DENND2C: variants seen among roughly 807,000 people sequenced by gnomAD.
The protein encoded by DENND2C is DENN domain-containing protein 2C.
In DENND2C, 72 loss-of-function variants were observed where a neutral mutation model predicts 112.4. The observed-to-expected ratio is 0.64, with a 90% CI of 0.53 to 0.78. DENND2C has a LOEUF of 0.78. DENND2C is among the 30% of genes least tolerant of loss of function. The pLI, the probability that DENND2C is intolerant of heterozygous loss-of-function variation, is 0.00. For synonymous variants in DENND2C, 329 were observed against 381.6 expected (o/e 0.86, Z 1.61); for missense variants, 992 against 1,113.8 (o/e 0.89, Z 1.56).
chr1:114,614,460 G>A (rs903408359), intron 8 of DENND2C, among the ~76,000 whole-genome samples: 2 of 152,136 alleles, frequency 1.3e-5, no homozygotes, highest in African/African-American at 4.8e-5. Context: ...TGGTCACAGA[G>A]GTAGGTAAAG....
intron 3 of DENND2C, among the ~76,000 whole-genome samples, chr1:114,631,509 C>T (rs540394893): frequency 2.8e-4 from 42 of 152,092 alleles, no homozygotes; most frequent in Non-Finnish European, 4.1e-4. Flanking sequence ...CCGGGCCAGG[C>T]GTGGTGGCTC....
chr1:114,652,828 C>T (rs1012180801), intron 2 of DENND2C, among the ~76,000 whole-genome samples: 2 of 151,716 alleles, frequency 1.3e-5, no homozygotes, highest in Non-Finnish European at 2.9e-5. Flanking sequence ...ACTACAGGCC[C>T]CATGCCTGGC....
At chr1:114,603,272 T>G (rs1004558996) in intron 11 of DENND2C, among the ~76,000 whole-genome samples, 4 of 147,382 alleles carry the variant, frequency 2.7e-5, no homozygotes, top group African/African-American at 1.0e-4. Context: ...TCCCGAGTAG[T>G]GGGACTACAG....
At chr1:114,597,385 A>G (rs1174111591) in intron 16 of DENND2C, among the ~76,000 whole-genome samples, 2 of 151,658 alleles carry the variant, frequency 1.3e-5, no homozygotes, top group Non-Finnish European at 2.9e-5. Context: ...CGGAGGTTGC[A>G]GTGAGCCGAG....
intron 2 of DENND2C, among the ~76,000 whole-genome samples, chr1:114,652,130 T>C (rs1460698316): frequency 6.6e-6 from 1 of 152,120 alleles, no homozygotes; most frequent in Non-Finnish European, 1.5e-5. Flanking sequence ...CTGTGTGTAA[T>C]GCACAAACTA....
At chr1:114,589,182 C>T (rs953256976) in intron 18 of DENND2C, among the ~76,000 whole-genome samples, 4 of 152,118 alleles carry the variant, frequency 2.6e-5, no homozygotes, top group Admixed American at 6.6e-5. Context: ...ATTCGACTTA[C>T]ACTCCCTCTT....
chr1:114,618,501 A>C lies in DENND2C; in HGVS notation c.1228-19T>G. 6.7e-7 allele frequency: 1 copy of C among 1,481,512 alleles called. No homozygotes were observed. The highest frequency in any genetic ancestry group is 2.4e-5 in the East Asian group (1 of 42,264). 91.8% of individuals were successfully genotyped at this position (1,481,512 alleles called of 1,614,324 possible). On this transcript the variant is annotated intron_variant, in intron 7 of 20. Transcript: ENST00000393274. ...ATACAAGCTGAAAAAAGACCAGAAAAATACAAATTAAGACCAACACCCAAA... is the reference window on the plus strand; with the variant it reads ...ATACAAGCTGAAAAAAGACCAGAAACATACAAATTAAGACCAACACCCAAA...
At chr1:114,630,601 G>A (rs1042149283) in intron 3 of DENND2C, among the ~76,000 whole-genome samples, 5 of 152,134 alleles carry the variant, frequency 3.3e-5, no homozygotes, top group South Asian at 4.1e-4. Context: ...CAACCTTACC[G>A]AGTTGAGGAT....
intron 8 of DENND2C, among the ~76,000 whole-genome samples, chr1:114,614,695 A>G (rs1197818027): frequency 6.6e-6 from 1 of 152,190 alleles, no homozygotes; most frequent in African/African-American, 2.4e-5. Flanking sequence ...AGACATACAA[A>G]TAAATTAAGG....
intron 12 of DENND2C, 124 bp downstream of exon 12, chr1:114,602,001 C>T (rs920501749): frequency 4.1e-5 from 37 of 895,504 alleles, no homozygotes; most frequent in Admixed American, 1.9e-4. Context: ...GCTAATACAG[C>T]TTCCTTAATA....
At chr1:114,645,682 T>C (rs956437629) in intron 2 of DENND2C, 123 bp from the exon 3 acceptor site, 2 of 152,214 alleles carry the variant, frequency 1.3e-5, no homozygotes, top group African/African-American at 4.8e-5. Context: ...CACCTTAAAT[T>C]AAGCAAGGAT....
chr1:114,600,084 T>C, intron 15 of DENND2C, 120 bp downstream of exon 15: 3 of 1,116,560 alleles, frequency 2.7e-6, no homozygotes, highest in Admixed American at 5.7e-5. Context: ...AACCTGCACG[T>C]TGTGCACATG....
intron 18 of DENND2C, among the ~76,000 whole-genome samples, chr1:114,593,652 G>GA (rs1655258524): frequency 6.6e-6 from 1 of 152,092 alleles, no homozygotes; most frequent in Non-Finnish European, 1.5e-5. Context: ...AGGTGTGGTG[G>GA]TGCATGCCTG....
Sources: gnomAD v4.1 joint callset for allele counts (sites outside exome capture counted in the v4.1 genomes callset) on GRCh38, gnomAD v4.1.1 for gene constraint, MANE v1.5 for transcripts, NCBI Gene and HGNC (gene_info 2026-07-23, HGNC 2026-07-21) for gene names.